Variants in E2F4 observed in about 807,000 individuals in gnomAD.
The protein encoded by E2F4 is transcription factor E2F4.
A neutral mutation model predicts 44.5 loss-of-function variants in E2F4; 16 were observed. The ratio of observed to expected loss-of-function variants is 0.36; its 90% confidence interval spans 0.24 to 0.55. The LOEUF (loss-of-function observed/expected upper bound fraction) is 0.55. E2F4 is among the 20% of genes least tolerant of loss of function. The pLI, the probability that E2F4 is intolerant of heterozygous loss-of-function variation, is 0.87. For missense variants in E2F4, 473 were observed against 522.1 expected, an observed-to-expected ratio of 0.91 and a Z score of 0.92; for synonymous variants, 242 against 207.2, an observed-to-expected ratio of 1.17 and a Z score of -1.44.
chr16:67,194,648 A>G (rs1434890008), intron 5 of E2F4, 38 bp from the exon 6 acceptor site: 5 of 1,599,124 alleles, frequency 3.1e-6, no homozygotes, highest in Non-Finnish European at 4.3e-6. Flanking sequence ...CCTGCTTACA[A>G]TTCTACCCAT....
At position 67,192,179 on chromosome 16, in the gene E2F4, G is replaced by A. The variant is rs1165278440; in HGVS notation, c.-49G>A. ...CAGGAACGGAAGCGGAAGTGGCGGC[G>A]GCGCCGGCCTGGCCTGGCCTGGCTG... On this transcript the variant is annotated 5_prime_UTR_variant, in exon 1 of 10. Transcript: ENST00000379378. 6 of 1,202,138 alleles carry A rather than the reference G, an allele frequency of 5.0e-6. No individual in the cohort carries two copies. The highest frequency in any genetic ancestry group is 6.2e-6 in the Non-Finnish European group (6 of 968,154). The allele number at this position is 1,202,138 out of a possible 1,614,324, so 74.5% of individuals were successfully genotyped here.
intron 1 of E2F4, 170 bp from the exon 2 acceptor site, chr16:67,192,591 T>C (rs2032904380): frequency 1.1e-6 from 1 of 937,220 alleles, no homozygotes; most frequent in Non-Finnish European, 1.6e-6. Context: ...CCTTCCTGGC[T>C]GGCGAGGAGA....
Position 67,193,189 on chromosome 16 carries a change from C to T in E2F4, c.407+19C>T, listed in dbSNP as rs757139019. ...ACAGCTGATATCCTCCTGGCGGTCC[C>T]TGCTGGGGGGAGTGGGCAAGGGGCC... On this transcript the variant is annotated intron_variant, in intron 3 of 9. Transcript: ENST00000379378. 1.3e-6 allele frequency: 2 copies of T among 1,557,180 alleles called. No homozygotes were observed. Among genetic ancestry groups the T allele is most frequent in the South Asian group, 1.2e-5 (1 of 85,188 alleles).
At position 67,193,184 on chromosome 16, in the gene E2F4, G is replaced by A. The variant is rs764771449; in HGVS notation, c.407+14G>A. ...GCAGAACAGCTGATATCCTCCTGGC[G>A]GTCCCTGCTGGGGGGAGTGGGCAAG... On this transcript the variant is annotated intron_variant, in intron 3 of 9. Coordinates refer to ENST00000379378, the MANE Select transcript of E2F4 (RefSeq NM_001950.4). The A allele has an allele frequency of 3.2e-6, 5 of 1,559,138 alleles. No homozygotes were observed. The African/African-American group carries it at 5.5e-5, about 17-fold the overall frequency.
intron 6 of E2F4, 90 bp downstream of exon 6, chr16:67,195,070 C>G: frequency 6.7e-7 from 1 of 1,483,882 alleles, no homozygotes; most frequent in Non-Finnish European, 9.1e-7. Flanking sequence ...AGAGACTCTT[C>G]AGGTTGGGGA....
rs1303209626 is a variant in E2F4, at chr16:67,194,782, C to G, written c.610C>G (p.Pro204Ala). 4 of 1,614,170 alleles carry G rather than the reference C, an allele frequency of 2.5e-6. No individual in the cohort carries two copies. Among genetic ancestry groups the G allele is most frequent in the African/African-American group, 2.7e-5 (2 of 75,038 alleles). ...GAACAAGGAGGCATGGAGCTCACCC[C>G]CTGTGGCTGTGCCTGTGCCACCACC... ...LVNKEAWSSP[P>A]VAVPVPPPED... Residue 204 changes from proline to alanine, a missense_variant, in exon 6 of 10, where the codon CCT (proline) becomes GCT (alanine). By Grantham distance (27) the Pro-to-Ala change is conservative. Around this residue, in one of 3 missense-constraint regions of E2F4, gnomAD observed 314 missense variants for 315.6 expected, o/e 0.99. Coordinates refer to ENST00000379378, the MANE Select transcript of E2F4 (RefSeq NM_001950.4).
intron 7 of E2F4, 79 bp from the exon 8 acceptor site, chr16:67,197,520 A>C: frequency 2.2e-5 from 31 of 1,418,674 alleles, no homozygotes; most frequent in Non-Finnish European, 2.8e-5. Flanking sequence ...TGGGTGGTAT[A>C]GGATCCGAGG....
chr16:67,195,381 C>T (rs890198654), intron 6 of E2F4, among the ~76,000 whole-genome samples: 2 of 152,190 alleles, frequency 1.3e-5, no homozygotes, highest in African/African-American at 4.8e-5. Context: ...ATCTGCCTGC[C>T]TCGGCCTCCT....
Position 67,193,455 on chromosome 16 carries a change from C to G in E2F4, c.408-17C>G. ...CTGTCACCATAGGGCATCAGCCATT[C>G]TCCTTAACCCTCACACTTTGGCCTA... On this transcript the variant is annotated splice_polypyrimidine_tract_variant and intron_variant, in intron 3 of 9. Transcript: ENST00000379378. 6.2e-7 allele frequency: 1 copy of G among 1,614,148 alleles called. No individual in the cohort carries two copies. The highest frequency in any genetic ancestry group is 8.5e-7 in the Non-Finnish European group (1 of 1,179,978).
intron 7 of E2F4, among the ~76,000 whole-genome samples, chr16:67,196,266 C>T (rs2032968562): frequency 6.6e-6 from 1 of 152,194 alleles, no homozygotes; most frequent in Admixed American, 6.5e-5. Context: ...TTCTCTGTAT[C>T]ACTCTCTCTC....
intron 7 of E2F4, 123 bp downstream of exon 7, chr16:67,196,129 C>A: frequency 7.1e-7 from 1 of 1,415,778 alleles, no homozygotes; most frequent in Admixed American, 1.8e-5. Context: ...CGAGAGCTCT[C>A]TGCCAGCACC....
intron 7 of E2F4, among the ~76,000 whole-genome samples, 192 bp from the exon 8 acceptor site, chr16:67,197,407 G>A (rs1350920478): frequency 6.6e-6 from 1 of 152,130 alleles, no homozygotes; most frequent in African/African-American, 2.4e-5. Flanking sequence ...TGGTACCCTG[G>A]GCTCAGCACT....
At position 67,198,182 on chromosome 16, in the gene E2F4, G is replaced by A. The variant is rs564824509; in HGVS notation, c.*59G>A. On this transcript the variant is annotated 3_prime_UTR_variant, in exon 10 of 10. Transcript: ENST00000379378. ...AGACTGTCTGACCTGGGGGTTGCCTGGGGACCTCTCCCACCCGACCCCTAC... is the reference window on the plus strand; with the variant it reads ...AGACTGTCTGACCTGGGGGTTGCCTAGGGACCTCTCCCACCCGACCCCTAC... 3 of 1,519,034 alleles carry A rather than the reference G, an allele frequency of 2.0e-6. No homozygotes were observed. The highest frequency in any genetic ancestry group is 2.2e-5 in the South Asian group (2 of 89,146). 94.1% of individuals were successfully genotyped at this position (1,519,034 alleles called of 1,614,324 possible). A position where few individuals can be genotyped will look rare whatever the true frequency, so the allele number is the denominator to read the frequency against.
intron 7 of E2F4, among the ~76,000 whole-genome samples, chr16:67,196,588 C>G (rs1374888969): frequency 6.6e-6 from 1 of 152,188 alleles, no homozygotes; most frequent in Non-Finnish European, 1.5e-5. Flanking sequence ...AGGGCTCTGT[C>G]CCATTCCACT....
At chr16:67,192,697 C>T in intron 1 of E2F4, 64 bp from the exon 2 acceptor site, 2 of 1,465,270 alleles carry the variant, frequency 1.4e-6, no homozygotes, top group Non-Finnish European at 1.9e-6. Context: ...TCCCAGACCA[C>T]GTCTCAGGGT....
At chr16:67,194,537 C>G in intron 5 of E2F4, 78 bp downstream of exon 5, 1 of 1,591,460 alleles carries the variant, frequency 6.3e-7, no homozygotes, top group Non-Finnish European at 8.6e-7. Context: ...CTGGGTGGGG[C>G]AAGTAGGGGG....
intron 5 of E2F4, 46 bp from the exon 6 acceptor site, chr16:67,194,640 T>A: frequency 6.3e-7 from 1 of 1,595,202 alleles, no homozygotes; most frequent in South Asian, 1.1e-5. Context: ...GAGCCAAGCC[T>A]GCTTACAATT....
chr16:67,195,425 C>G (rs561319887), intron 6 of E2F4, among the ~76,000 whole-genome samples: 4 of 152,304 alleles, frequency 2.6e-5, no homozygotes, highest in Non-Finnish European at 4.4e-5. Flanking sequence ...AACCACCATG[C>G]CTGCCTGAAT....
intron 6 of E2F4, among the ~76,000 whole-genome samples, 187 bp downstream of exon 6, chr16:67,195,167 G>A (rs1171817333): frequency 6.6e-6 from 1 of 152,184 alleles, no homozygotes; most frequent in Non-Finnish European, 1.5e-5. Flanking sequence ...GAGTCTCACT[G>A]TGTCCCCCAG....
Sources: allele counts gnomAD v4.1 joint callset (sites outside exome capture counted in the v4.1 genomes callset), GRCh38; gene constraint gnomAD v4.1.1; regional missense constraint gnomAD v4.1.1; transcripts MANE v1.5; gene names NCBI Gene and HGNC (gene_info 2026-07-23, HGNC 2026-07-21).